ARAP2: variants seen among roughly 807,000 people sequenced by gnomAD.
ARAP2 encodes ArfGAP with RhoGAP domain, ankyrin repeat and PH domain 2, also known as arf-GAP with Rho-GAP domain, ANK repeat and PH domain-containing protein 2.
Under a neutral mutation model 194.5 loss-of-function variants are expected in ARAP2, and 148 were observed. That is an observed-to-expected ratio of 0.76 (90% CI 0.67 to 0.87). ARAP2 has a LOEUF of 0.87. Among genes scored for constraint, ARAP2 ranks in the 40% least tolerant of loss-of-function variants. ARAP2 has a pLI of 0.00. For synonymous variants in ARAP2, 695 were observed against 683.5 expected (o/e 1.02, Z -0.26); for missense variants, 2,128 against 1,989.7 (o/e 1.07, Z -1.32).
intron 2 of ARAP2, among the ~76,000 whole-genome samples, chr4:36,057,486 TTA>T (rs1220029790): frequency 6.6e-6 from 1 of 152,058 alleles, no homozygotes; most frequent in East Asian, 1.9e-4. Flanking sequence ...AGATAACACA[TTA>T]TATATATGTT....
Position 36,145,286 on chromosome 4 carries a change from G to A in ARAP2, c.3263+2010C>T, listed in dbSNP as rs77280079. Among the ~76,000 whole-genome samples, 957 of 151,992 alleles carry A rather than the reference G, an allele frequency of 6.3e-3. 12 individuals carry two copies. The highest frequency in any genetic ancestry group is 0.022 in the African/African-American group (903 of 41,500). On this transcript the variant is annotated intron_variant, in intron 19 of 32. Transcript: ENST00000303965. ...AAGACGTGGAATCAACTCAAGTGCCGATCAGTGGTTGACGGGCTAAGGAAA... is the reference window on the plus strand; with the variant it reads ...AAGACGTGGAATCAACTCAAGTGCCAATCAGTGGTTGACGGGCTAAGGAAA...
intron 3 of ARAP2, among the ~76,000 whole-genome samples, chr4:36,214,081 C>G (rs772533143): frequency 1.3e-5 from 2 of 152,124 alleles, no homozygotes; most frequent in Non-Finnish European, 2.9e-5. Flanking sequence ...GTTACCATGG[C>G]AAAATCACTT....
intron 9 of ARAP2, among the ~76,000 whole-genome samples, chr4:36,172,403 G>A (rs1578163843): frequency 6.6e-6 from 1 of 152,084 alleles, no homozygotes; most frequent in African/African-American, 2.4e-5. Context: ...TAAATTAAGG[G>A]TCTGATACAT....
At chr4:36,197,938 A>C (rs1743488371) in intron 6 of ARAP2, among the ~76,000 whole-genome samples, 1 of 68,710 alleles carries the variant, frequency 1.5e-5, no homozygotes, top group Non-Finnish European at 2.9e-5. Context: ...CGGTTCCCCG[A>C]AGGGCCGCAG....
chr4:36,195,965 G>GT (rs1488489738), intron 6 of ARAP2, among the ~76,000 whole-genome samples: 1 of 152,192 alleles, frequency 6.6e-6, no homozygotes, highest in Non-Finnish European at 1.5e-5. Flanking sequence ...GAAGGAATGA[G>GT]TGACATGATT....
intron 5 of ARAP2, among the ~76,000 whole-genome samples, chr4:36,045,546 A>C (rs1342140928): frequency 6.6e-6 from 1 of 152,208 alleles, no homozygotes; most frequent in Non-Finnish European, 1.5e-5. Context: ...GGGGTTGGAA[A>C]GAATGAGGAA....
chr4:36,162,176 A>G (rs1232671196), intron 11 of ARAP2, among the ~76,000 whole-genome samples: 2 of 152,098 alleles, frequency 1.3e-5, no homozygotes, highest in Non-Finnish European at 2.9e-5. Flanking sequence ...GTGCATATGT[A>G]CAGACACATG....
rs765641474 is a variant in ARAP2, at chr4:36,167,035, C to T, written c.1870G>A (p.Gly624Arg). 4.5e-6 allele frequency: 7 copies of T among 1,562,170 alleles called. No homozygotes were observed. In the Admixed American group the frequency reaches 5.8e-5, roughly 13 times the overall value. Residue 624 changes from glycine to arginine, a missense_variant, in exon 10 of 33, where the codon GGA (glycine) becomes AGA (arginine). By Grantham distance (125) the Gly-to-Arg change is moderately radical. Coordinates refer to ENST00000303965, the MANE Select transcript of ARAP2 (RefSeq NM_015230.4). The stretch of plus-strand genomic sequence containing the variant: ...ATAGGAATTATGGTAATACCAAGTC[C>T]ACTCTTAAAATCCTAGTTTGGAGAA... ...LCKNEQDFKS[G>R]LGITIIPMNV...
In ARAP2 at chr4:36,150,996, T is replaced by C. The variant is rs142656287; in HGVS notation, c.2801A>G (p.Tyr934Cys). 47 of 1,611,836 alleles carry C rather than the reference T, an allele frequency of 2.9e-5. No homozygotes were observed. Among genetic ancestry groups the C allele is most frequent in the Middle Eastern group, 3.3e-4 (2 of 6,072 alleles). Residue 934 changes from tyrosine (Y) to cysteine (C), a missense_variant, in exon 16 of 33, where the codon TAT becomes TGT. Tyr to Cys is a radical substitution (Grantham distance 194). Coordinates refer to ENST00000303965, the MANE Select transcript of ARAP2 (RefSeq NM_015230.4). Reference sequence around the variant, plus strand: ...AGGTGTGGTAGACTTATCATTTTCATAGTAACTCAAGAAGCCTCCTTCCAA... The same window carrying C: ...AGGTGTGGTAGACTTATCATTTTCACAGTAACTCAAGAAGCCTCCTTCCAA... ...CVLEGGFLSY[Y>C]ENDKSTTPNG...
chr4:36,210,315 C>G, intron 6 of ARAP2, 75 bp downstream of exon 6: 1 of 1,369,466 alleles, frequency 7.3e-7, no homozygotes, highest in Non-Finnish European at 9.8e-7. Flanking sequence ...GAACAGCAAC[C>G]CTGGAGGTTT....
intron 1 of ARAP2, among the ~76,000 whole-genome samples, chr4:36,232,441 G>A (rs1751668099): frequency 6.6e-6 from 1 of 152,160 alleles, no homozygotes. Context: ...AATAATAGCA[G>A]GTGCTATTGA....
chr4:36,161,584 A>G, intron 11 of ARAP2, 34 bp from the exon 12 acceptor site: 1 of 1,527,778 alleles, frequency 6.5e-7, no homozygotes, highest in Admixed American at 1.7e-5. Flanking sequence ...TTCTATTTTA[A>G]TTTGTATGTA....
At chr4:36,218,611 A>AGG (rs1240621442) in intron 2 of ARAP2, among the ~76,000 whole-genome samples, 2 of 152,116 alleles carry the variant, frequency 1.3e-5, no homozygotes, top group East Asian at 3.8e-4. Flanking sequence ...CAGATTATAA[A>AGG]CCTCAGTGTA....
At chr4:36,042,850 T>C (rs979623799) in intron 5 of ARAP2, among the ~76,000 whole-genome samples, 1 of 151,694 alleles carries the variant, frequency 6.6e-6, no homozygotes, top group African/African-American at 2.4e-5. Flanking sequence ...TTTCTTCTTT[T>C]TTTTTTTTTT....
At chr4:36,120,727 T>G (rs1279886991) in intron 23 of ARAP2, among the ~76,000 whole-genome samples, 1 of 151,670 alleles carries the variant, frequency 6.6e-6, no homozygotes, top group Non-Finnish European at 1.5e-5. Context: ...ACAGATGACT[T>G]AGTAAAACAC....
chr4:36,128,475 T>TACAC lies in ARAP2; in HGVS notation c.3640+57_3640+58insGTGT, dbSNP rs1384155506. 123 of 256,390 alleles carry TACAC rather than the reference T, an allele frequency of 4.8e-4. 1 individual carries two copies. The highest frequency in any genetic ancestry group is 8.6e-4 in the South Asian group (6 of 6,952). 15.9% of individuals were successfully genotyped at this position (256,390 alleles called of 1,614,324 possible). On this transcript the variant is annotated intron_variant, in intron 21 of 32. Coordinates refer to ENST00000303965, the MANE Select transcript of ARAP2 (RefSeq NM_015230.4). ...GGCAAGCATGTATTATGGTCTATATTATACACACACACACACACACACACA... is the reference window on the plus strand; with the variant it reads ...GGCAAGCATGTATTATGGTCTATATTACACATACACACACACACACACACACACA...
Position 36,067,714 on chromosome 4 carries a change from A to C in ARAP2, c.*193T>G. 3.5e-6 allele frequency: 2 copies of C among 570,072 alleles called. No individual in the cohort carries two copies. Among genetic ancestry groups the C allele is most frequent in the Non-Finnish European group, 5.8e-6 (2 of 346,686 alleles). 35.3% of individuals were successfully genotyped at this position (570,072 alleles called of 1,614,324 possible). A position where few individuals can be genotyped will look rare whatever the true frequency, so the allele number is the denominator to read the frequency against. ...GAACTTTACAAGGTTTGTTCAGACCAAAATAAAGTTAATCTTACATTCAGT... is the reference window on the plus strand; with the variant it reads ...GAACTTTACAAGGTTTGTTCAGACCCAAATAAAGTTAATCTTACATTCAGT... On this transcript the variant is annotated 3_prime_UTR_variant, in exon 33 of 33. Transcript: ENST00000303965.
chr4:36,010,859 T>C (rs1228211605), intron 9 of ARAP2, among the ~76,000 whole-genome samples: 1 of 152,168 alleles, frequency 6.6e-6, no homozygotes, highest in Non-Finnish European at 1.5e-5. Context: ...TTCTGCCAAA[T>C]GAATTGTGTT....
intron 11 of ARAP2, among the ~76,000 whole-genome samples, chr4:36,163,255 C>T (rs922113756): frequency 6.6e-6 from 1 of 151,172 alleles, no homozygotes; most frequent in East Asian, 1.9e-4. Flanking sequence ...AAAAAAAATA[C>T]TGGAAAAAAA....
Sources: gnomAD v4.1 joint callset for allele counts (sites outside exome capture counted in the v4.1 genomes callset) on GRCh38, gnomAD v4.1.1 for gene constraint, MANE v1.5 for transcripts, NCBI Gene and HGNC (gene_info 2026-07-23, HGNC 2026-07-21) for gene names.